NAV3: variants seen among roughly 807,000 people sequenced by gnomAD.
NAV3 encodes neuron navigator 3.
A neutral mutation model predicts 244.7 loss-of-function variants in NAV3; 87 were observed. The observed-to-expected ratio is 0.36, with a 90% CI of 0.30 to 0.42. The LOEUF (loss-of-function observed/expected upper bound fraction) is 0.42, where lower values mean the gene tolerates loss of function less well. Ranked by LOEUF, NAV3 falls within the 20% of genes least tolerant of loss-of-function variation. The pLI is 1.00. For synonymous variants in NAV3, 1,126 were observed against 1,042.2 expected (o/e 1.08, Z -1.55); for missense variants, 2,663 against 2,893.3 (o/e 0.92, Z 1.83).
chr12:77,845,327 T>G (rs1249644905), intron 1 of NAV3, among the ~76,000 whole-genome samples: 2 of 152,198 alleles, frequency 1.3e-5, no homozygotes, highest in Non-Finnish European at 2.9e-5. Context: ...GCACTGCCTT[T>G]AGAAGAGAGG....
At chr12:77,961,396 T>C (rs1032258436) in intron 3 of NAV3, among the ~76,000 whole-genome samples, 1 of 65,050 alleles carries the variant, frequency 1.5e-5, no homozygotes, top group Non-Finnish European at 4.2e-5. Flanking sequence ...ATACATTATA[T>C]ATTTAGTATA....
At position 78,087,080 on chromosome 12, in the gene NAV3, G is replaced by A. The variant is rs2137934565; in HGVS notation, c.2636+27965G>A. 1.3e-5 allele frequency among the ~76,000 whole-genome samples: 2 copies of A among 151,976 alleles called. 1 individual carries two copies. The highest frequency in any genetic ancestry group is 4.1e-4 in the South Asian group (2 of 4,822). ...GTTTATTTTCTTTAAGCATCACTAG[G>A]CATTTGTTAGGCTGCAGAGCTGATT... is the stretch of plus-strand genomic sequence containing the variant. On this transcript the variant is annotated intron_variant, in intron 12 of 39. Transcript: ENST00000397909.
chr12:77,802,875 G>A (rs924086452), intron 2 of NAV3, among the ~76,000 whole-genome samples: 1 of 152,044 alleles, frequency 6.6e-6, no homozygotes, highest in Non-Finnish European at 1.5e-5. Context: ...CACCATGTTA[G>A]CCAGGATGGT....
Position 77,961,440 on chromosome 12 carries a change from C to A in NAV3, c.415-4789C>A, listed in dbSNP as rs965418782. On this transcript the variant is annotated intron_variant, in intron 3 of 39. Transcript: ENST00000397909. ...CTATATTATGTATATACATATGTCT[C>A]ATACATGTAATATATGTATATATAC... 5.4e-4 allele frequency among the ~76,000 whole-genome samples: 56 copies of A among 103,536 alleles called. 2 individuals carry two copies. The highest frequency in any genetic ancestry group is 1.8e-3 in the African/African-American group (52 of 29,190). The allele number at this position is 103,536 out of a possible 152,430, so 67.9% of individuals were successfully genotyped here. A position where few individuals can be genotyped will look rare whatever the true frequency, so the allele number is the denominator to read the frequency against.
intron 2 of NAV3, among the ~76,000 whole-genome samples, chr12:77,796,208 G>A (rs1871401501): frequency 6.6e-6 from 1 of 152,100 alleles, no homozygotes; most frequent in South Asian, 2.1e-4. Flanking sequence ...TTCATGGGAG[G>A]AGGTTAAAAT....
At chr12:78,147,230 T>A (rs1002754011) in intron 21 of NAV3, among the ~76,000 whole-genome samples, 1 of 152,098 alleles carries the variant, frequency 6.6e-6, no homozygotes, top group Non-Finnish European at 1.5e-5. Flanking sequence ...AAAGAGTGGA[T>A]ATGATTTTTA....
At chr12:77,602,951 C>T (rs983455557) in intron 2 of NAV3, among the ~76,000 whole-genome samples, 2 of 152,068 alleles carry the variant, frequency 1.3e-5, no homozygotes, top group Admixed American at 1.3e-4. Context: ...ATGATATACT[C>T]TCCCTCAGTT....
intron 2 of NAV3, among the ~76,000 whole-genome samples, chr12:77,713,198 CAAGTA>C (rs1419836238): frequency 2.0e-5 from 3 of 152,196 alleles, no homozygotes; most frequent in Admixed American, 6.6e-5. Context: ...AAAATATCAA[CAAGTA>C]ATTTATCTTA....
At chr12:78,010,987 A>T (rs137936511) in intron 8 of NAV3, 1 of 152,292 alleles carries the variant, frequency 6.6e-6, no homozygotes, top group African/African-American at 2.4e-5. Context: ...AATATAAATT[A>T]TTCTGTACAT....
At chr12:77,945,193 TAGA>T (rs1195286251) in intron 3 of NAV3, among the ~76,000 whole-genome samples, 1 of 149,642 alleles carries the variant, frequency 6.7e-6, no homozygotes, top group African/African-American at 2.5e-5. Context: ...GAAGAAAGCA[TAGA>T]AGGAGGAAGC....
Position 78,202,976 on chromosome 12 carries a change from TAA to T in NAV3, c.6835-1956_6835-1955del, listed in dbSNP as rs1164705265. ...AATGACACTCTTAAGTTTAGAGTAA[TAA>T]AATAATATCTTCAGATGAAGGCGGA... is the stretch of plus-strand genomic sequence containing the variant. On this transcript the variant is annotated intron_variant, in intron 38 of 39. Transcript: ENST00000397909. Among the ~76,000 whole-genome samples the T allele has an allele frequency of 2.0e-5, 3 of 152,204 alleles. No individual in the cohort carries two copies. In the East Asian group the frequency reaches 5.8e-4, roughly 29 times the overall value.
chr12:78,109,088 A>T (rs892160212), intron 12 of NAV3, among the ~76,000 whole-genome samples: 3 of 152,088 alleles, frequency 2.0e-5, no homozygotes, highest in Non-Finnish European at 4.4e-5. Flanking sequence ...AAGAATATCC[A>T]AATAAACACA....
intron 36 of NAV3, chr12:78,199,054 A>T (rs1477869342): frequency 1.8e-6 from 1 of 568,034 alleles, no homozygotes; most frequent in African/African-American, 1.9e-5. Flanking sequence ...AGGATTTGTG[A>T]TTCTCCTACA....
chr12:78,054,488 G>T (rs143337846), intron 11 of NAV3, among the ~76,000 whole-genome samples: 1 of 152,270 alleles, frequency 6.6e-6, no homozygotes, highest in East Asian at 1.9e-4. Context: ...GCATGAGGAT[G>T]GTGATGGCTT....
rs191233816 is a variant in NAV3 at position 77,802,015 on chromosome 12, G to A, written c.73-138304G>A. 1.1e-3 allele frequency among the ~76,000 whole-genome samples: 162 copies of A among 152,228 alleles called. 1 individual carries two copies. Among genetic ancestry groups the A allele is most frequent in the African/African-American group, 3.8e-3 (156 of 41,564 alleles). On this transcript the variant is annotated intron_variant, in intron 2 of 8. Transcript: ENST00000550042. ...TTGATGAATGAACGAATAAATGAAT[G>A]ATCATGTAGTCTCTTAGGGGCCCCA...
chr12:78,173,912 C>T (rs562937503), intron 24 of NAV3, among the ~76,000 whole-genome samples: 83 of 151,606 alleles, frequency 5.5e-4, no homozygotes, highest in East Asian at 1.7e-3. Context: ...TCTATCAATC[C>T]ATACATACTC....
chr12:77,992,443 C>G (rs889051747), intron 5 of NAV3, among the ~76,000 whole-genome samples: 3 of 151,926 alleles, frequency 2.0e-5, no homozygotes, highest in African/African-American at 4.8e-5. Flanking sequence ...AGATTTTCAG[C>G]CTATATTATT....
intron 35 of NAV3, 114 bp from the exon 36 acceptor site, chr12:78,198,491 C>G: frequency 1.8e-6 from 1 of 551,726 alleles, no homozygotes; most frequent in South Asian, 2.7e-5. Context: ...CTTTAAAAGA[C>G]AAATATTGAA....
chr12:77,968,423 C>A, intron 4 of NAV3, 96 bp from the exon 5 acceptor site: 1 of 975,290 alleles, frequency 1.0e-6, no homozygotes, highest in Non-Finnish European at 1.6e-6. Flanking sequence ...GTATCTCTGT[C>A]TTCATAGATT....
Sources: allele counts gnomAD v4.1 joint callset (sites outside exome capture counted in the v4.1 genomes callset), GRCh38; gene constraint gnomAD v4.1.1; transcripts MANE v1.5; gene names NCBI Gene and HGNC (gene_info 2026-07-23, HGNC 2026-07-21).